The following CCDC60 variants were observed in gnomAD, a reference collection of about 807,000 sequenced individuals.
CCDC60 encodes the protein coiled-coil domain-containing protein 60.
In CCDC60, 54 loss-of-function variants were observed where a neutral mutation model predicts 63.5. That is an observed-to-expected ratio of 0.85 (90% CI 0.68 to 1.07). The LOEUF is 1.07. Ranked by LOEUF, CCDC60 falls within the 50% of genes least tolerant of loss-of-function variation. The pLI, the probability that CCDC60 is intolerant of heterozygous loss-of-function variation, is 0.00. For synonymous variants in CCDC60, 206 were observed against 238.8 expected, an observed-to-expected ratio of 0.86 and a Z score of 1.27; for missense variants, 651 against 684.3, an observed-to-expected ratio of 0.95 and a Z score of 0.54.
At chr12:119,359,399 TTATG>T (rs1213283289) in intron 1 of CCDC60, among the ~76,000 whole-genome samples, 1 of 152,198 alleles carries the variant, frequency 6.6e-6, no homozygotes, top group Non-Finnish European at 1.5e-5. Context: ...CCAAGACCCT[TTATG>T]TAGTCATTTC....
intron 2 of CCDC60, among the ~76,000 whole-genome samples, chr12:119,462,642 G>A (rs968065853): frequency 2.6e-5 from 4 of 151,916 alleles, no homozygotes; most frequent in Admixed American, 6.6e-5. Context: ...AATTTTTTTA[G>A]AGACAGGATT....
chr12:119,520,136 GAAACA>G lies in CCDC60; in HGVS notation c.991_995del (p.Asn331GlufsTer2). 1 of 1,613,934 alleles carries G rather than the reference GAAACA, an allele frequency of 6.2e-7. No individual in the cohort carries two copies. On this transcript the variant is annotated frameshift_variant, in exon 9 of 14. Transcript: ENST00000327554. LOFTEE classifies it high-confidence loss of function. ...TGCCTTGCAGCATCTTGTCAGTGCT[GAAACA>G]AAACAAGAGTAATTCTGCTTATAAG...
At chr12:119,345,412 G>A (rs987244729) in intron 1 of CCDC60, among the ~76,000 whole-genome samples, 2 of 152,178 alleles carry the variant, frequency 1.3e-5, no homozygotes, top group African/African-American at 4.8e-5. Context: ...TGAGGCAGGA[G>A]AATCACTTGA....
At chr12:119,436,635 T>A (rs978664960) in intron 2 of CCDC60, among the ~76,000 whole-genome samples, 4 of 149,322 alleles carry the variant, frequency 2.7e-5, no homozygotes, top group Non-Finnish European at 1.5e-5. Flanking sequence ...GCCTCCCGGG[T>A]TCAAGCGATT....
rs774808817 is a variant in CCDC60, at chr12:119,482,009, A to ATATATATGTATATGTATATGTATATATAG, written c.449+2815_449+2816insGTATATGTATATGTATATATAGTATATAT. On this transcript the variant is annotated intron_variant, in intron 4 of 13. Coordinates refer to ENST00000327554, the MANE Select transcript of CCDC60 (RefSeq NM_178499.5). ...ATGTATATATATATGTATATATAGT[A>ATATATATGTATATGTATATGTATATATAG]TATATATATGTATATATGTGTGTAT... Among the ~76,000 whole-genome samples the ATATATATGTATATGTATATGTATATATAG allele has an allele frequency of 4.7e-4, 19 of 40,648 alleles. 1 individual carries two copies. The highest frequency in any genetic ancestry group is 1.1e-3 in the African/African-American group (18 of 17,010). 26.7% of individuals were successfully genotyped at this position (40,648 alleles called of 152,430 possible).
intron 2 of CCDC60, among the ~76,000 whole-genome samples, chr12:119,461,598 TG>T (rs1182455486): frequency 1.3e-5 from 2 of 152,176 alleles, no homozygotes; most frequent in Non-Finnish European, 2.9e-5. Flanking sequence ...TCCCATGCAC[TG>T]GTTGAGAAGA....
At chr12:119,485,438 C>G (rs1272323330) in intron 4 of CCDC60, among the ~76,000 whole-genome samples, 1 of 152,214 alleles carries the variant, frequency 6.6e-6, no homozygotes, top group Non-Finnish European at 1.5e-5. Context: ...AACTACTAGA[C>G]TGGGTGGCTT....
chr12:119,499,054 CA>C (rs1951782539), intron 5 of CCDC60, among the ~76,000 whole-genome samples: 1 of 152,220 alleles, frequency 6.6e-6, no homozygotes, highest in Admixed American at 6.5e-5. Flanking sequence ...TGTTTCATTG[CA>C]GAAATATTCA....
At chr12:119,336,978 A>G (rs925317367) in intron 1 of CCDC60, among the ~76,000 whole-genome samples, 3 of 152,200 alleles carry the variant, frequency 2.0e-5, no homozygotes, top group Non-Finnish European at 2.9e-5. Flanking sequence ...ACTCTAGTGC[A>G]TCCACAAGGC....
intron 2 of CCDC60, among the ~76,000 whole-genome samples, chr12:119,432,764 G>T (rs892308575): frequency 2.0e-5 from 3 of 152,132 alleles, no homozygotes; most frequent in Non-Finnish European, 2.9e-5. Context: ...CACAGCTATT[G>T]TTAAAGATTA....
At chr12:119,355,501 C>G (rs1044325098) in intron 1 of CCDC60, among the ~76,000 whole-genome samples, 6 of 152,206 alleles carry the variant, frequency 3.9e-5, no homozygotes, top group African/African-American at 1.4e-4. Flanking sequence ...TTATTCAAAA[C>G]CCATTTGCAG....
intron 4 of CCDC60, among the ~76,000 whole-genome samples, chr12:119,482,319 A>G (rs1275057390): frequency 6.6e-6 from 1 of 151,940 alleles, no homozygotes; most frequent in Non-Finnish European, 1.5e-5. Context: ...GGTTTGTTAC[A>G]TAGGCTATTA....
At chr12:119,453,128 G>A (rs951483631) in intron 2 of CCDC60, among the ~76,000 whole-genome samples, 2 of 152,168 alleles carry the variant, frequency 1.3e-5, no homozygotes, top group African/African-American at 4.8e-5. Flanking sequence ...TACCCAGCCA[G>A]AACTTGGCTT....
chr12:119,370,774 T>TTAC lies in CCDC60; in HGVS notation c.90+35508_90+35509insTAC. ...CAGGCATAGTGGCTCATGCCTGTAA[T>TTAC]CTCAACACTTTGGGAAGCTGAGGCA... On this transcript the variant is annotated intron_variant, in intron 1 of 13. Transcript: ENST00000327554. 1.3e-5 allele frequency among the ~76,000 whole-genome samples: 2 copies of TTAC among 152,304 alleles called. 1 individual carries two copies. Among genetic ancestry groups the TTAC allele is most frequent in the Admixed American group, 1.3e-4 (2 of 15,298 alleles).
chr12:119,478,360 A>C (rs1593145484), intron 3 of CCDC60, among the ~76,000 whole-genome samples: 1 of 148,454 alleles, frequency 6.7e-6, no homozygotes, highest in Admixed American at 6.7e-5. Context: ...GACAACAACC[A>C]CCCCCCCCCA....
chr12:119,463,087 G>A (rs926361095), intron 2 of CCDC60, among the ~76,000 whole-genome samples: 4 of 152,178 alleles, frequency 2.6e-5, no homozygotes, highest in African/African-American at 7.2e-5. Flanking sequence ...GCCTCCCAAA[G>A]TGCTGGGATT....
chr12:119,510,671 A>G (rs1952192125), intron 7 of CCDC60, among the ~76,000 whole-genome samples: 1 of 152,334 alleles, frequency 6.6e-6, no homozygotes, highest in African/African-American at 2.4e-5. Context: ...GGTGGCTTCC[A>G]TAGATCATCA....
At chr12:119,366,672 T>A (rs952506883) in intron 1 of CCDC60, among the ~76,000 whole-genome samples, 3 of 152,158 alleles carry the variant, frequency 2.0e-5, no homozygotes, top group African/African-American at 7.2e-5. Flanking sequence ...GTTCTCCTGA[T>A]TTAATGGATG....
In CCDC60 at chr12:119,410,267, A is replaced by G. The variant is rs1255890086; in HGVS notation, c.91-18416A>G. 1.3e-5 allele frequency among the ~76,000 whole-genome samples: 2 copies of G among 151,994 alleles called. No individual in the cohort carries two copies. The highest frequency in any genetic ancestry group is 6.6e-5 in the Admixed American group (1 of 15,254). ...GGATACACAAGAACTTGATAACACT[A>G]TTCATTTCCAGGGAGGGAAATGAAT... On this transcript the variant is annotated intron_variant, in intron 1 of 13. Transcript: ENST00000327554. The surrounding 1 kb of genome is among the most constrained non-coding windows in gnomAD (Gnocchi z 4.0).
Sources: gnomAD v4.1 joint callset for allele counts (sites outside exome capture counted in the v4.1 genomes callset) on GRCh38, gnomAD v4.1.1 for gene constraint, Gnocchi (gnomAD v3.1) non-coding constraint, MANE v1.5 for transcripts, NCBI Gene and HGNC (gene_info 2026-07-23, HGNC 2026-07-21) for gene names.